Variants in FBLN5 observed in about 807,000 individuals in gnomAD.
FBLN5 encodes the protein fibulin-5.
A neutral mutation model predicts 61.6 loss-of-function variants in FBLN5; 24 were observed. That is an observed-to-expected ratio of 0.39 (90% CI 0.28 to 0.55). The LOEUF is 0.55. Ranked by LOEUF, FBLN5 falls within the 20% of genes least tolerant of loss-of-function variation. The pLI, the probability that FBLN5 is intolerant of heterozygous loss-of-function variation, is 0.65. For synonymous variants in FBLN5, 213 were observed against 219.8 expected, an observed-to-expected ratio of 0.97 and a Z score of 0.27; for missense variants, 470 against 594.1, an observed-to-expected ratio of 0.79 and a Z score of 2.17.
chr14:91,894,887 C>T, intron 5 of FBLN5, 63 bp downstream of exon 5: 1 of 1,416,112 alleles, frequency 7.1e-7, no homozygotes, highest in South Asian at 1.1e-5. Flanking sequence ...GCCCATACCT[C>T]AAAATGCCCC....
chr14:91,879,391 C>T lies in FBLN5; in HGVS notation c.990-1709G>A, dbSNP rs565716487. On this transcript the variant is annotated intron_variant, in intron 9 of 10. Coordinates refer to ENST00000342058, the MANE Select transcript of FBLN5 (RefSeq NM_006329.4). ...AAGGCATGAGCAAGTCCTGTTCAGA[C>T]TGGCAGGAGCACAGGACACCTGAAC... Among the ~76,000 whole-genome samples, 338 of 152,326 alleles carry T rather than the reference C, an allele frequency of 2.2e-3. 1 individual carries two copies. The highest frequency in any genetic ancestry group is 6.7e-3 in the African/African-American group (280 of 41,586).
chr14:91,912,305 T>G (rs1211675058), intron 4 of FBLN5, among the ~76,000 whole-genome samples: 2 of 152,140 alleles, frequency 1.3e-5, no homozygotes, highest in African/African-American at 4.8e-5. Flanking sequence ...GAGACCAGCC[T>G]GAGCAACATA....
At chr14:91,902,283 T>G (rs72705348) in intron 4 of FBLN5, among the ~76,000 whole-genome samples, 1,037 of 45,424 alleles carry the variant, frequency 0.023, 11 homozygotes, top group Admixed American at 0.044. Flanking sequence ...GTTTGTTTGT[T>G]TTTTTTTTTT....
intron 4 of FBLN5, among the ~76,000 whole-genome samples, chr14:91,935,739 C>T (rs1401394575): frequency 6.6e-6 from 1 of 152,168 alleles, no homozygotes; most frequent in African/African-American, 2.4e-5. Flanking sequence ...AAGGTCTTTC[C>T]TCCTGATGCT....
At chr14:91,872,713 C>T (rs940048168) in intron 10 of FBLN5, among the ~76,000 whole-genome samples, 8 of 152,174 alleles carry the variant, frequency 5.3e-5, no homozygotes, top group African/African-American at 1.4e-4. Context: ...TCAGCATCCA[C>T]GTTATTGGCA....
rs976120049 is a variant in FBLN5, at chr14:91,943,378, G to A, written c.18-417C>T. ...AAAAAAAAATTAACTGGGCATGATA[G>A]CACGCGCCTAAAGTCCCAGCTACTC... On this transcript the variant is annotated intron_variant, in intron 1 of 10. Coordinates refer to ENST00000342058, the MANE Select transcript of FBLN5 (RefSeq NM_006329.4). The surrounding 1 kb of genome is among the most constrained non-coding windows in gnomAD (Gnocchi z 4.0). 3.3e-5 allele frequency among the ~76,000 whole-genome samples: 5 copies of A among 151,940 alleles called. No homozygotes were observed. Among genetic ancestry groups the A allele is most frequent in the Admixed American group, 3.3e-4 (5 of 15,258 alleles).
At chr14:91,923,044 A>G (rs2055768385) in intron 4 of FBLN5, among the ~76,000 whole-genome samples, 1 of 152,168 alleles carries the variant, frequency 6.6e-6, no homozygotes, top group Admixed American at 6.5e-5. Context: ...ACCATCTCCG[A>G]AAGCTGCCTG....
intron 1 of FBLN5, among the ~76,000 whole-genome samples, chr14:91,944,376 T>G (rs566497947): frequency 3.9e-5 from 6 of 152,318 alleles, no homozygotes; most frequent in Admixed American, 3.3e-4. Context: ...TGGTGCAGTC[T>G]CTATGGAAAA....
intron 4 of FBLN5, among the ~76,000 whole-genome samples, chr14:91,922,323 T>C (rs974957493): frequency 5.3e-5 from 7 of 131,318 alleles, no homozygotes; most frequent in Admixed American, 4.3e-4. Context: ...AGTAAATAAA[T>C]AAATAAATAA....
chr14:91,936,955 T>G lies in FBLN5; in HGVS notation c.371A>C (p.Gln124Pro). ...AAGGCCGGGCTACTCACCCACACAT[T>G]GGTTGCTTTCATCCATCTGGTATCC... ...RFGYQMDESN[Q>P]CVDVDECATD... Residue 124 changes from glutamine (Q) to proline (P), a missense_variant, in exon 4 of 11, where the codon CAA becomes CCA. Physicochemically the swap from Gln to Pro is moderately conservative, Grantham distance 76 (BLOSUM62 -1). Coordinates refer to ENST00000342058, the MANE Select transcript of FBLN5 (RefSeq NM_006329.4). 4 of 1,614,166 alleles carry G rather than the reference T, an allele frequency of 2.5e-6. No individual in the cohort carries two copies. The highest frequency in any genetic ancestry group is 3.4e-6 in the Non-Finnish European group (4 of 1,180,032).
At chr14:91,890,043 TC>T (rs1889919931) in intron 6 of FBLN5, among the ~76,000 whole-genome samples, 1 of 152,094 alleles carries the variant, frequency 6.6e-6, no homozygotes, top group Non-Finnish European at 1.5e-5. Flanking sequence ...AGGCGCCCCC[TC>T]CTGCTCCAGT....
chr14:91,894,466 A>C (rs953429215), intron 5 of FBLN5, among the ~76,000 whole-genome samples: 1 of 147,734 alleles, frequency 6.8e-6, no homozygotes, highest in Admixed American at 6.9e-5. Context: ...GGTGGCTCAC[A>C]CCTGTAATCT....
At chr14:91,939,479 A>G (rs2056073064) in intron 3 of FBLN5, among the ~76,000 whole-genome samples, 1 of 151,732 alleles carries the variant, frequency 6.6e-6, no homozygotes, top group Non-Finnish European at 1.5e-5. Flanking sequence ...AGCTGGGGCT[A>G]CAAGCACATG....
At chr14:91,899,699 T>C (rs1406739172) in intron 4 of FBLN5, among the ~76,000 whole-genome samples, 1 of 152,222 alleles carries the variant, frequency 6.6e-6, no homozygotes, top group Non-Finnish European at 1.5e-5. Context: ...GAAACTCTTT[T>C]AGGATTTCAT....
chr14:91,929,204 T>C (rs945212043), intron 4 of FBLN5, among the ~76,000 whole-genome samples: 18 of 151,996 alleles, frequency 1.2e-4, no homozygotes, highest in Non-Finnish European at 5.9e-5. Flanking sequence ...TCTATGATTT[T>C]GAAGGTTTCA....
At chr14:91,880,973 C>A (rs139912569) in intron 9 of FBLN5, among the ~76,000 whole-genome samples, 22 of 152,194 alleles carry the variant, frequency 1.4e-4, no homozygotes, top group African/African-American at 5.3e-4. Context: ...TTTTTGACAA[C>A]CTACAGTAAC....
intron 4 of FBLN5, among the ~76,000 whole-genome samples, chr14:91,928,458 C>T (rs2055866003): frequency 6.6e-6 from 1 of 152,108 alleles, no homozygotes; most frequent in South Asian, 2.1e-4. Flanking sequence ...TATTGAAATG[C>T]AGCTATCAAA....
At chr14:91,902,892 C>T (rs1226090174) in intron 4 of FBLN5, among the ~76,000 whole-genome samples, 1 of 152,004 alleles carries the variant, frequency 6.6e-6, no homozygotes, top group East Asian at 1.9e-4. Flanking sequence ...GGGAACTGAC[C>T]ATGAAGATGG....
intron 4 of FBLN5, among the ~76,000 whole-genome samples, chr14:91,903,781 C>T (rs1411351790): frequency 1.3e-5 from 2 of 152,190 alleles, no homozygotes; most frequent in African/African-American, 2.4e-5. Flanking sequence ...CATGGCCAGG[C>T]AGTTCTTCTG....
Sources: gnomAD v4.1 joint callset for allele counts (sites outside exome capture counted in the v4.1 genomes callset) on GRCh38, gnomAD v4.1.1 for gene constraint, Gnocchi (gnomAD v3.1) non-coding constraint, MANE v1.5 for transcripts, NCBI Gene and HGNC (gene_info 2026-07-23, HGNC 2026-07-21) for gene names.